The following ZDHHC21 variants were observed in gnomAD, a reference collection of about 807,000 sequenced individuals.
ZDHHC21 encodes the protein palmitoyltransferase ZDHHC21.
A neutral mutation model predicts 34.6 loss-of-function variants in ZDHHC21; 15 were observed. The observed-to-expected ratio is 0.43, with a 90% CI of 0.29 to 0.67. ZDHHC21 has a LOEUF of 0.67. ZDHHC21 is among the 30% of genes least tolerant of loss of function. The probability of loss-of-function intolerance (pLI) is 0.14; values close to 1 mark genes in which losing one functional copy is unlikely to be tolerated. For missense variants in ZDHHC21, 344 were observed against 327.7 expected, an observed-to-expected ratio of 1.05 and a Z score of -0.38; for synonymous variants, 142 against 101.8, an observed-to-expected ratio of 1.40 and a Z score of -2.38.
chr9:14,685,872 G>T (rs946347240), intron 2 of ZDHHC21, among the ~76,000 whole-genome samples: 5 of 152,180 alleles, frequency 3.3e-5, no homozygotes, highest in Non-Finnish European at 5.9e-5. Flanking sequence ...ATACTATGCA[G>T]CCATAAAAAA....
chr9:14,591,729 T>A, the ZDHHC21 span, among the ~76,000 whole-genome samples: 1 of 152,098 alleles, frequency 6.6e-6, no homozygotes, highest in Non-Finnish European at 1.5e-5. Context: ...AAAAGCCAAT[T>A]TCACTCACAA....
the ZDHHC21 span, among the ~76,000 whole-genome samples, chr9:14,604,674 T>A: frequency 6.6e-6 from 1 of 152,192 alleles, no homozygotes; most frequent in Admixed American, 6.5e-5. Context: ...CCAGTTATTA[T>A]TTTTCATACT....
chr9:14,613,599 G>A lies in ZDHHC21; in HGVS notation c.*5367C>T, dbSNP rs189774249. 22 of 151,726 alleles carry A rather than the reference G, an allele frequency of 1.4e-4. No homozygotes were observed. The East Asian group carries it at 3.1e-3, about 21-fold the overall frequency. The allele number at this position is 151,726 out of a possible 1,614,324, so 9.4% of individuals were successfully genotyped here. On this transcript the variant is annotated 3_prime_UTR_variant, in exon 10 of 10. Transcript: ENST00000380916. ...ATCTTTGTTTATATATAAAGCTATC[G>A]ATACCAAAAAAATCAGTGTTGAACT...
At chr9:14,686,466 G>C (rs139334288) in intron 2 of ZDHHC21, among the ~76,000 whole-genome samples, 92 of 152,286 alleles carry the variant, frequency 6.0e-4, no homozygotes, top group African/African-American at 2.0e-3. Flanking sequence ...TAAATACTGA[G>C]AATGTAAAAA....
At chr9:14,690,738 T>C (rs1839038920) in intron 1 of ZDHHC21, among the ~76,000 whole-genome samples, 1 of 152,216 alleles carries the variant, frequency 6.6e-6, no homozygotes, top group Admixed American at 6.5e-5. Flanking sequence ...AGCACAGTGA[T>C]GATTCACATG....
chr9:14,653,989 A>C (rs1831728114), intron 7 of ZDHHC21, among the ~76,000 whole-genome samples: 1 of 152,042 alleles, frequency 6.6e-6, no homozygotes, highest in South Asian at 2.1e-4. Flanking sequence ...GAAAGTAGAC[A>C]GGCGTTAAGG....
intron 7 of ZDHHC21, among the ~76,000 whole-genome samples, chr9:14,645,378 G>C (rs1830110406): frequency 6.6e-6 from 1 of 151,960 alleles, no homozygotes; most frequent in South Asian, 2.1e-4. Flanking sequence ...TCAATAAATG[G>C]TGCTAAATCA....
the ZDHHC21 span, among the ~76,000 whole-genome samples, chr9:14,595,043 C>T: frequency 6.6e-6 from 1 of 152,098 alleles, no homozygotes; most frequent in Non-Finnish European, 1.5e-5. Flanking sequence ...ATGTGGAAAA[C>T]TGAAAAACTC....
intron 7 of ZDHHC21, among the ~76,000 whole-genome samples, chr9:14,645,716 C>T (rs1275979846): frequency 6.6e-6 from 1 of 152,008 alleles, no homozygotes; most frequent in Non-Finnish European, 1.5e-5. Flanking sequence ...TAATCTAAAA[C>T]GCCCTACAAT....
chr9:14,655,938 G>A (rs1457700133), intron 7 of ZDHHC21, among the ~76,000 whole-genome samples: 6 of 151,516 alleles, frequency 4.0e-5, no homozygotes, highest in Admixed American at 3.9e-4. Context: ...AAGTATTAAA[G>A]ACAGAAAAAG....
At chr9:14,656,255 G>C (rs1173167263) in intron 7 of ZDHHC21, among the ~76,000 whole-genome samples, 1 of 151,810 alleles carries the variant, frequency 6.6e-6, no homozygotes, top group Non-Finnish European at 1.5e-5. Context: ...CTTTCTTCAA[G>C]TTTAGTTATA....
Position 14,612,573 on chromosome 9 carries a change from A to T in ZDHHC21, c.*6393T>A, listed in dbSNP as rs1007166709. ...AAATTAGTTTTAAAAATCTTACTCT[A>T]TGTAAAGTGAGTAACCATATCCAGA... is the stretch of plus-strand genomic sequence containing the variant. On this transcript the variant is annotated 3_prime_UTR_variant, in exon 10 of 10. Coordinates refer to ENST00000380916, the MANE Select transcript of ZDHHC21 (RefSeq NM_178566.6). 2 of 151,940 alleles carry T rather than the reference A, an allele frequency of 1.3e-5. No homozygotes were observed. The highest frequency in any genetic ancestry group is 4.8e-5 in the African/African-American group (2 of 41,432). 9.4% of individuals were successfully genotyped at this position (151,940 alleles called of 1,614,324 possible).
intron 3 of ZDHHC21, among the ~76,000 whole-genome samples, chr9:14,676,790 AAG>A (rs763901761): frequency 6.6e-6 from 1 of 152,050 alleles, no homozygotes; most frequent in Non-Finnish European, 1.5e-5. Context: ...CACAGTTAAA[AAG>A]AGAAACATTC....
At chr9:14,672,736 C>T in intron 5 of ZDHHC21, 94 bp downstream of exon 5, 2 of 807,556 alleles carry the variant, frequency 2.5e-6, no homozygotes, top group Non-Finnish European at 3.9e-6. Context: ...TGTTAGATGA[C>T]ATTTATAACC....
the ZDHHC21 span, among the ~76,000 whole-genome samples, chr9:14,593,205 G>T: frequency 6.6e-6 from 1 of 151,982 alleles, no homozygotes; most frequent in East Asian, 1.9e-4. Context: ...CAAGATAAAA[G>T]TATGTATTTT....
At chr9:14,653,660 C>T (rs1831652706) in intron 7 of ZDHHC21, among the ~76,000 whole-genome samples, 1 of 151,932 alleles carries the variant, frequency 6.6e-6, no homozygotes, top group African/African-American at 2.4e-5. Flanking sequence ...CTCTACAGCA[C>T]TTCTCAGACC....
intron 8 of ZDHHC21, among the ~76,000 whole-genome samples, chr9:14,631,144 G>A (rs941451948): frequency 6.6e-6 from 1 of 152,184 alleles, no homozygotes; most frequent in Non-Finnish European, 1.5e-5. Context: ...GCTGTTTTGT[G>A]TACACTGAAC....
rs866651280 is a variant in ZDHHC21, at chr9:14,641,590, G to A, written c.505-1578C>T. Among the ~76,000 whole-genome samples, 27 of 152,100 alleles carry A rather than the reference G, an allele frequency of 1.8e-4. No individual in the cohort carries two copies. The South Asian group carries it at 3.1e-3, about 18-fold the overall frequency. On this transcript the variant is annotated intron_variant, in intron 7 of 9. Coordinates refer to ENST00000380916, the MANE Select transcript of ZDHHC21 (RefSeq NM_178566.6). ...AGGAATACACAAAACACACTCACCC[G>A]TCAAACATCTACCAGCCACCTCAGT...
chr9:14,638,794 A>G (rs1828761208), intron 8 of ZDHHC21, among the ~76,000 whole-genome samples: 1 of 152,126 alleles, frequency 6.6e-6, no homozygotes, highest in African/African-American at 2.4e-5. Context: ...AGGGAAATGC[A>G]AGTCAAAACC....
Sources: gnomAD v4.1 joint callset for allele counts (sites outside exome capture counted in the v4.1 genomes callset) on GRCh38, gnomAD v4.1.1 for gene constraint, MANE v1.5 for transcripts, NCBI Gene and HGNC (gene_info 2026-07-23, HGNC 2026-07-21) for gene names.